Variants in RBFOX1 observed in about 807,000 individuals in gnomAD.
RBFOX1 encodes the protein RNA binding fox-1 homolog 1, also known as RNA binding protein fox-1 homolog 1.
A neutral mutation model predicts 57.7 loss-of-function variants in RBFOX1; 8 were observed. The observed-to-expected ratio is 0.14, with a 90% confidence interval of 0.08 to 0.25. RBFOX1 has a LOEUF of 0.25. Ranked by LOEUF, RBFOX1 falls within the 10% of genes least tolerant of loss-of-function variation. The pLI, the probability that RBFOX1 is intolerant of heterozygous loss-of-function variation, is 1.00. For synonymous variants in RBFOX1, 326 were observed against 222.4 expected (o/e 1.47, Z -4.15); for missense variants, 611 against 548.5 (o/e 1.11, Z -1.14).
downstream of RBFOX1, among the ~76,000 whole-genome samples, chr16:5,604,216 G>A (rs74352015): frequency 4.6e-5 from 7 of 152,192 alleles, no homozygotes; most frequent in Admixed American, 1.3e-4. Context: ...TTTTTTATGC[G>A]TGCTTAAGAG....
intron 1 of RBFOX1, among the ~76,000 whole-genome samples, chr16:5,387,564 T>C (rs1421260095): frequency 2.0e-5 from 3 of 152,188 alleles, no homozygotes; most frequent in Non-Finnish European, 4.4e-5. Context: ...CCTGATATTA[T>C]ATAAGTGCTT....
chr16:6,110,245 G>C lies in RBFOX1; in HGVS notation c.-127+90253G>C, dbSNP rs539471771. ...ATTCTTTTAGCTCTCTGGTACCCTG[G>C]CTTCTTCTTTGTAGGTCATTGTGAC... On this transcript the variant is annotated intron_variant, in intron 1 of 15. Coordinates refer to ENST00000550418, the MANE Select transcript of RBFOX1 (RefSeq NM_018723.4). 1.4e-3 allele frequency among the ~76,000 whole-genome samples: 192 copies of C among 133,822 alleles called. 3 individuals carry two copies. The highest frequency in any genetic ancestry group is 5.1e-3 in the African/African-American group (180 of 35,550). The allele number at this position is 133,822 out of a possible 152,430, so 87.8% of individuals were successfully genotyped here. A position where few individuals can be genotyped will look rare whatever the true frequency, so the allele number is the denominator to read the frequency against.
intron 4 of RBFOX1, among the ~76,000 whole-genome samples, chr16:7,381,239 G>C (rs2097777457): frequency 1.3e-5 from 2 of 152,280 alleles, no homozygotes; most frequent in African/African-American, 2.4e-5. Context: ...CTCAAACCCA[G>C]GTGCAAGTGG....
At chr16:7,234,273 C>A (rs2152933824) in intron 4 of RBFOX1, among the ~76,000 whole-genome samples, 1 of 152,116 alleles carries the variant, frequency 6.6e-6, no homozygotes, top group South Asian at 2.1e-4. Context: ...ACTGGAAGAG[C>A]AAAAGAGCTC....
intron 2 of RBFOX1, among the ~76,000 whole-genome samples, chr16:6,585,068 CAGAG>C (rs1183711427): frequency 1.3e-5 from 2 of 152,178 alleles, no homozygotes; most frequent in Non-Finnish European, 2.9e-5. Context: ...CTCTGAGACA[CAGAG>C]AGCTTGGCAT....
chr16:6,759,763 A>G (rs2076342607), intron 3 of RBFOX1, among the ~76,000 whole-genome samples: 1 of 152,186 alleles, frequency 6.6e-6, no homozygotes, highest in African/African-American at 2.4e-5. Context: ...AATTCATGCT[A>G]AAGAAATAAT....
At chr16:6,371,154 T>G (rs1409669080) in intron 2 of RBFOX1, among the ~76,000 whole-genome samples, 3 of 152,170 alleles carry the variant, frequency 2.0e-5, no homozygotes, top group Non-Finnish European at 1.5e-5. Context: ...AGTAAAAACT[T>G]TCTCACTGTA....
At chr16:7,409,334 C>G (rs555153771) in intron 4 of RBFOX1, among the ~76,000 whole-genome samples, 1 of 152,164 alleles carries the variant, frequency 6.6e-6, no homozygotes, top group African/African-American at 2.4e-5. Flanking sequence ...CAGAAAGAGC[C>G]CTGTGAATTG....
At chr16:5,586,308 G>A (rs945753535) in intron 2 of RBFOX1, among the ~76,000 whole-genome samples, 2 of 152,240 alleles carry the variant, frequency 1.3e-5, no homozygotes, top group East Asian at 1.9e-4. Context: ...ATTGCGTGAC[G>A]GCAGCCACAG....
intron 1 of RBFOX1, among the ~76,000 whole-genome samples, chr16:5,407,812 G>C (rs1040932987): frequency 6.6e-6 from 1 of 152,248 alleles, no homozygotes; most frequent in African/African-American, 2.4e-5. Context: ...GCCTCCCAAA[G>C]TGCTGGGATT....
intron 4 of RBFOX1, among the ~76,000 whole-genome samples, chr16:5,960,035 TA>T (rs1272223334): frequency 1.3e-5 from 2 of 152,074 alleles, no homozygotes; most frequent in Non-Finnish European, 2.9e-5. Context: ...ACCCCGTCTC[TA>T]CTATAAATAA....
At chr16:7,084,063 G>A (rs185379937) in intron 4 of RBFOX1, among the ~76,000 whole-genome samples, 2,044 of 152,120 alleles carry the variant, frequency 0.013, 17 homozygotes, top group Non-Finnish European at 0.016. Flanking sequence ...AATCCCACCC[G>A]GGGGCTTCTG....
chr16:5,498,956 C>T (rs2043097379), intron 2 of RBFOX1, among the ~76,000 whole-genome samples: 1 of 152,180 alleles, frequency 6.6e-6, no homozygotes, highest in Admixed American at 6.5e-5. Context: ...GTGTAAGTGG[C>T]TCCTGGGCAG....
chr16:5,603,887 C>T (rs902355366), downstream of RBFOX1, among the ~76,000 whole-genome samples: 8 of 152,126 alleles, frequency 5.3e-5, no homozygotes, highest in African/African-American at 9.7e-5. Context: ...GCGTAAGAAC[C>T]GCACTATTAT....
intron 1 of RBFOX1, among the ~76,000 whole-genome samples, chr16:5,389,197 A>AAATG (rs1218047916): frequency 6.6e-6 from 1 of 151,646 alleles, no homozygotes; most frequent in Admixed American, 6.6e-5. Flanking sequence ...TCTCAAAAAT[A>AAATG]AATAAATAAA....
chr16:6,317,933 A>T (rs1257806203), intron 2 of RBFOX1, among the ~76,000 whole-genome samples: 13 of 152,194 alleles, frequency 8.5e-5, no homozygotes. Context: ...AGCAGGTTCT[A>T]CTTCTGAAAG....
At chr16:7,423,732 A>T (rs1440180295) in intron 4 of RBFOX1, among the ~76,000 whole-genome samples, 1 of 152,058 alleles carries the variant, frequency 6.6e-6, no homozygotes, top group African/African-American at 2.4e-5. Context: ...TCTTTTCCAC[A>T]TTATGTATTG....
At chr16:5,536,108 T>C (rs147774154) in intron 2 of RBFOX1, among the ~76,000 whole-genome samples, 1 of 132,168 alleles carries the variant, frequency 7.6e-6, no homozygotes, top group East Asian at 2.6e-4. Context: ...CCCCCCCCCT[T>C]TTTTTTCTTT....
At chr16:7,169,739 C>A (rs1016753994) in intron 4 of RBFOX1, among the ~76,000 whole-genome samples, 1 of 152,176 alleles carries the variant, frequency 6.6e-6, no homozygotes, top group African/African-American at 2.4e-5. Context: ...ATTAATTCAT[C>A]TGCCTTCTCC....
Sources: gnomAD v4.1 joint callset for allele counts (sites outside exome capture counted in the v4.1 genomes callset) on GRCh38, gnomAD v4.1.1 for gene constraint, MANE v1.5 for transcripts, NCBI Gene and HGNC (gene_info 2026-07-23, HGNC 2026-07-21) for gene names.